Variants in NCKIPSD observed in about 807,000 individuals in gnomAD.
The protein encoded by NCKIPSD is NCK interacting protein with SH3 domain.
Under a neutral mutation model 73.4 loss-of-function variants are expected in NCKIPSD, and 48 were observed. The ratio of observed to expected loss-of-function variants is 0.65; its 90% confidence interval spans 0.52 to 0.83. NCKIPSD has a LOEUF of 0.83. NCKIPSD is among the 40% of genes least tolerant of loss of function. The pLI is 0.00. For synonymous variants in NCKIPSD, 422 were observed against 403.6 expected (o/e 1.05, Z -0.54); for missense variants, 884 against 970.2 (o/e 0.91, Z 1.18).
chr3:48,679,074 A>G lies in NCKIPSD; in HGVS notation c.1680T>C (p.Ala560=), dbSNP rs771620290. ...LPDLCVNLLL[A]LNLHLPAADQ... Reference sequence around the variant, plus strand: ...CCCCACCTGGCAGGTGCAGGTTGAGAGCCAGAAGCAGGTTCACGCAGAGGT... The same window carrying G: ...CCCCACCTGGCAGGTGCAGGTTGAGGGCCAGAAGCAGGTTCACGCAGAGGT... The change falls in exon 10 of 13, where the codon GCT becomes GCC. Residue 560 remains alanine, a synonymous_variant. Coordinates refer to ENST00000294129, the MANE Select transcript of NCKIPSD (RefSeq NM_016453.4). 6.2e-7 allele frequency: 1 copy of G among 1,614,068 alleles called. No homozygotes were observed. Among genetic ancestry groups the G allele is most frequent in the Non-Finnish European group, 8.5e-7 (1 of 1,180,012 alleles).
In NCKIPSD at chr3:48,679,629, C is replaced by T. The variant is rs1178126168; in HGVS notation, c.1435G>A (p.Val479Met). 2.5e-6 allele frequency: 4 copies of T among 1,614,220 alleles called. No homozygotes were observed. The highest frequency in any genetic ancestry group is 2.2e-5 in the East Asian group (1 of 44,886). ...AGCTCTACAGGCAGCACGGATGACA[C>T]AAGCGTGGAGATGATGGCTGCATCC... ...SLDAAIISTLVSSVLPVELAR... is the reference protein window; with the variant it reads ...SLDAAIISTLMSSVLPVELAR... The change falls in exon 8 of 13, where the codon GTG becomes ATG. Residue 479 changes from valine to methionine, a missense_variant. Val to Met is a conservative substitution (Grantham distance 21). Coordinates refer to ENST00000294129, the MANE Select transcript of NCKIPSD (RefSeq NM_016453.4).
rs1251898013 is a variant in NCKIPSD at position 48,679,155 on chromosome 3, G to C, written c.1599C>G (p.Phe533Leu). The stretch of plus-strand genomic sequence containing the variant: ...GCCCATCCTCGACGATGTTCAGTAG[G>C]AACTGGGCGAAAGGCGTGCCCAGGT... Reference protein sequence around the residue: ...YEHLGTPFAQFLLNIVEDGLP... With the variant: ...YEHLGTPFAQLLLNIVEDGLP... Residue 533 changes from phenylalanine (F) to leucine (L), a missense_variant, in exon 10 of 13, where the codon TTC becomes TTG. Physicochemically the swap from Phe to Leu is conservative, Grantham distance 22. Coordinates refer to ENST00000294129, the MANE Select transcript of NCKIPSD (RefSeq NM_016453.4). The C allele has an allele frequency of 6.2e-7, 1 of 1,614,092 alleles. No homozygotes were observed. The highest frequency in any genetic ancestry group is 1.1e-5 in the South Asian group (1 of 91,074).
chr3:48,674,929 A>G (rs2077229256), intron 12 of NCKIPSD, among the ~76,000 whole-genome samples, 182 bp from the exon 13 acceptor site: 1 of 152,112 alleles, frequency 6.6e-6, no homozygotes, highest in African/African-American at 2.4e-5. Context: ...GAGTAAGCGA[A>G]TAAACGAATC....
In NCKIPSD at chr3:48,682,178, T is replaced by C. The variant is rs980130700; in HGVS notation, c.487-22A>G. 4 of 1,590,462 alleles carry C rather than the reference T, an allele frequency of 2.5e-6. No homozygotes were observed. In the African/African-American group the frequency reaches 4.0e-5, roughly 16 times the overall value. On this transcript the variant is annotated intron_variant, in intron 3 of 12. Coordinates refer to ENST00000294129, the MANE Select transcript of NCKIPSD (RefSeq NM_016453.4). ...GGATCTGGAAGATGGAAGTAGGATC[T>C]TGGAGGACAGACTGACATCTAGAGC...
At position 48,682,904 on chromosome 3, in the gene NCKIPSD, G is replaced by T; in HGVS notation, c.280C>A (p.Gln94Lys). 6.5e-7 allele frequency: 1 copy of T among 1,549,406 alleles called. No homozygotes were observed. The highest frequency in any genetic ancestry group is 8.7e-7 in the Non-Finnish European group (1 of 1,146,228). The change falls in exon 2 of 13, where the codon CAG becomes AAG. Residue 94 changes from glutamine to lysine, a missense_variant and splice_region_variant. Transcript: ENST00000294129. ...CACTTCACTCCCCTCAACACTCACT[G>T]GAGGACTCCACGCTGTTCCAGGCTG... ...KYSLEQRGVLQKLIHHRKETL... is the reference protein window; with the variant it reads ...KYSLEQRGVLKKLIHHRKETL...
In NCKIPSD at chr3:48,674,547, G is replaced by C; in HGVS notation, c.2166C>G (p.Ser722Arg). The change falls in exon 13 of 13, where the codon AGC becomes AGG. Residue 722 changes from serine to arginine, a missense_variant. Ser to Arg is a moderately radical substitution (Grantham distance 110, BLOSUM62 -1). Coordinates refer to ENST00000294129, the MANE Select transcript of NCKIPSD (RefSeq NM_016453.4). ...GGGAAGGGAGGACAGCAAGGTGCTA[G>C]CTGGGAGCCTCCCCCAGCACCAGGA... ...KEFLVLGEAP[S>R] 1 of 1,586,632 alleles carries C rather than the reference G, an allele frequency of 6.3e-7. No homozygotes were observed. The highest frequency in any genetic ancestry group is 8.6e-7 in the Non-Finnish European group (1 of 1,165,412).
rs1384917812 is a variant in NCKIPSD, at chr3:48,674,355, G to T, written c.*189C>A. ...TGCATATTCCCCCTGCCCCAGAACA[G>T]CTCCCAGACCATGGTCCCCAATCCT... On this transcript the variant is annotated 3_prime_UTR_variant, in exon 13 of 13. Coordinates refer to ENST00000294129, the MANE Select transcript of NCKIPSD (RefSeq NM_016453.4). 2 of 1,434,950 alleles carry T rather than the reference G, an allele frequency of 1.4e-6. No homozygotes were observed. The highest frequency in any genetic ancestry group is 1.8e-6 in the Non-Finnish European group (2 of 1,097,590). 88.9% of individuals were successfully genotyped at this position (1,434,950 alleles called of 1,614,324 possible). A position where few individuals can be genotyped will look rare whatever the true frequency, so the allele number is the denominator to read the frequency against.
Position 48,680,111 on chromosome 3 carries a change from T to TAA in NCKIPSD, c.1210_1211insTT (p.Tyr404PhefsTer12). 6.2e-7 allele frequency: 1 copy of TAA among 1,614,118 alleles called. No homozygotes were observed. The highest frequency in any genetic ancestry group is 8.5e-7 in the Non-Finnish European group (1 of 1,180,004). ...GCAGCGGATGACACCCTCATCCTCA[T>TAA]ATAGTGCCCAACTGCGCTGCTGGGC... On this transcript the variant is annotated frameshift_variant, in exon 6 of 13. Coordinates refer to ENST00000294129, the MANE Select transcript of NCKIPSD (RefSeq NM_016453.4). LOFTEE classifies it high-confidence loss of function.
rs2077319239 is a variant in NCKIPSD at position 48,679,832 on chromosome 3, G to A, written c.1319C>T (p.Ser440Phe). Residue 440 changes from serine (S) to phenylalanine (F), a missense_variant, in exon 7 of 13, where the codon TCT becomes TTT. Transcript: ENST00000294129. The part of the protein sequence containing the change: ...KKMCKRNEFE[S>F]VLALVAYYQM... ...GTAATAGGCCACCAAGGCCAGGACAGACTCGAACTCGTTTCTCTTGCACAT... is the reference window on the plus strand; with the variant it reads ...GTAATAGGCCACCAAGGCCAGGACAAACTCGAACTCGTTTCTCTTGCACAT... 6.2e-7 allele frequency: 1 copy of A among 1,614,250 alleles called. No individual in the cohort carries two copies. Among genetic ancestry groups the A allele is most frequent in the Non-Finnish European group, 8.5e-7 (1 of 1,180,036 alleles).
chr3:48,682,583 G>A (rs2077373368), intron 2 of NCKIPSD, 31 bp from the exon 3 acceptor site: 9 of 1,608,378 alleles, frequency 5.6e-6, no homozygotes, highest in Non-Finnish European at 7.7e-6. Context: ...CTATTGGGGG[G>A]TTGCATCTCA....
rs1454188190 is a variant in NCKIPSD, at chr3:48,674,100, G to C, written c.*444C>G. 1.8e-6 allele frequency: 2 copies of C among 1,101,696 alleles called. No homozygotes were observed. The highest frequency in any genetic ancestry group is 2.2e-6 in the Non-Finnish European group (2 of 900,866). 68.2% of individuals were successfully genotyped at this position (1,101,696 alleles called of 1,614,324 possible). ...CATGTGCGGGTGGAGGGGAGGACATGAGCAGCACTCACTGCAAAGCTAAGG... is the reference window on the plus strand; with the variant it reads ...CATGTGCGGGTGGAGGGGAGGACATCAGCAGCACTCACTGCAAAGCTAAGG... On this transcript the variant is annotated 3_prime_UTR_variant, in exon 13 of 13. Coordinates refer to ENST00000294129, the MANE Select transcript of NCKIPSD (RefSeq NM_016453.4).
chr3:48,678,856 C>T (rs745484458), intron 11 of NCKIPSD, 21 bp downstream of exon 11: 23 of 1,613,638 alleles, frequency 1.4e-5, no homozygotes, highest in Admixed American at 1.2e-4. Context: ...GTGGTACCCG[C>T]GCAGATTCCC....
intron 12 of NCKIPSD, 43 bp from the exon 13 acceptor site, chr3:48,674,790 T>C: frequency 6.3e-7 from 1 of 1,598,088 alleles, no homozygotes; most frequent in Non-Finnish European, 8.5e-7. Context: ...AGGGAGGTAC[T>C]GCAACCACCA....
rs1401990413 is a variant in NCKIPSD at position 48,674,571 on chromosome 3, G to A, written c.2142C>T (p.Phe714=). 2 of 1,601,526 alleles carry A rather than the reference G, an allele frequency of 1.2e-6. No homozygotes were observed. The highest frequency in any genetic ancestry group is 1.7e-4 in the Middle Eastern group (1 of 6,012). ...AGCTGGGAGCCTCCCCCAGCACCAG[G>A]AATTCCTTGCACATCTCTCGGACAA... ...RMIVREMCKE[F]LVLGEAPS is the part of the protein sequence containing the mutation. Residue 714 remains phenylalanine (F), a synonymous_variant, in exon 13 of 13, where the codon TTC becomes TTT. Coordinates refer to ENST00000294129, the MANE Select transcript of NCKIPSD (RefSeq NM_016453.4).
chr3:48,679,378 A>G lies in NCKIPSD; in HGVS notation c.1569T>C (p.Tyr523=). 3 of 1,614,048 alleles carry G rather than the reference A, an allele frequency of 1.9e-6. No individual in the cohort carries two copies. Among genetic ancestry groups the G allele is most frequent in the South Asian group, 1.1e-5 (1 of 91,072 alleles). The stretch of plus-strand genomic sequence containing the variant: ...GCTGGTCGGTTACTGCATTCTTACC[A>G]TAGTGTGCATAGGGCACTGCCTCTC... ...SMGEAVPYAH[Y]EHLGTPFAQF... The change falls in exon 9 of 13, where the codon TAT becomes TAC. Residue 523 remains tyrosine (Y), a splice_region_variant and synonymous_variant. Coordinates refer to ENST00000294129, the MANE Select transcript of NCKIPSD (RefSeq NM_016453.4).
intron 12 of NCKIPSD, among the ~76,000 whole-genome samples, chr3:48,675,528 G>GATATATATATATATATATATGATAT (rs5848856): frequency 8.2e-6 from 1 of 122,300 alleles, no homozygotes; most frequent in African/African-American, 3.2e-5. Flanking sequence ...ATATATATAT[G>GATATATATATATATATATATGATAT]ATATATATAT....
chr3:48,680,870 C>T (rs1347576309), intron 5 of NCKIPSD, among the ~76,000 whole-genome samples: 1 of 152,200 alleles, frequency 6.6e-6, no homozygotes, highest in Non-Finnish European at 1.5e-5. Flanking sequence ...ATGTCTCTTA[C>T]TGCCAAGGTC....
intron 12 of NCKIPSD, among the ~76,000 whole-genome samples, chr3:48,676,435 GA>G (rs1412054867): frequency 1.3e-5 from 2 of 152,044 alleles, no homozygotes; most frequent in Non-Finnish European, 2.9e-5. Context: ...GTGCTTGCTG[GA>G]TCATTCCCTC....
In NCKIPSD at chr3:48,682,690, C is replaced by G. The variant is rs558496310; in HGVS notation, c.282-138G>C. The G allele has an allele frequency of 1.3e-5, 15 of 1,169,780 alleles. No homozygotes were observed. The South Asian group carries it at 2.2e-4, about 17-fold the overall frequency. 72.5% of individuals were successfully genotyped at this position (1,169,780 alleles called of 1,614,324 possible). ...CTCCTCCATGCTCCACCCCAGCCTA[C>G]AGTACCCCATACTATCCTCAGTCCT... On this transcript the variant is annotated intron_variant, in intron 2 of 12. Coordinates refer to ENST00000294129, the MANE Select transcript of NCKIPSD (RefSeq NM_016453.4).
Sources: gnomAD v4.1 joint callset for allele counts (sites outside exome capture counted in the v4.1 genomes callset) on GRCh38, gnomAD v4.1.1 for gene constraint, MANE v1.5 for transcripts, NCBI Gene and HGNC (gene_info 2026-07-23, HGNC 2026-07-21) for gene names.